The following CXCL13 variants were observed in gnomAD, a reference collection of about 807,000 sequenced individuals.
The protein encoded by CXCL13 is C-X-C motif chemokine 13.
Under a neutral mutation model 12.2 loss-of-function variants are expected in CXCL13, and 7 were observed. The ratio of observed to expected loss-of-function variants is 0.57; its 90% confidence interval spans 0.33 to 1.07. The LOEUF is 1.07. Among genes scored for constraint, CXCL13 ranks in the 50% least tolerant of loss-of-function variants. The pLI is 0.04. For missense variants in CXCL13, 113 were observed against 127.4 expected (o/e 0.89, Z 0.55); for synonymous variants, 47 against 42.4 (o/e 1.11, Z -0.42).
rs1023573830 is a variant in CXCL13, at chr4:77,554,636, C to T, written c.-43+42848C>T. On this transcript the variant is annotated intron_variant, in intron 1 of 4. Coordinates refer to the CXCL13 transcript ENST00000286758. Reference sequence around the variant, plus strand: ...ATTTCTAGGATGCTCCATGGAACAACAATAACATATACATTATTTTCAGAT... The same window carrying T: ...ATTTCTAGGATGCTCCATGGAACAATAATAACATATACATTATTTTCAGAT... Among the ~76,000 whole-genome samples the T allele has an allele frequency of 4.6e-5, 7 of 152,048 alleles. No individual in the cohort carries two copies. The East Asian group carries it at 5.8e-4, about 13-fold the overall frequency.
rs143029011 is a variant in CXCL13, at chr4:77,569,681, G to A, written c.-42-36143G>A. 1.3e-3 allele frequency among the ~76,000 whole-genome samples: 199 copies of A among 152,286 alleles called. 4 individuals carry two copies. In the East Asian group the frequency reaches 0.026, roughly 20 times the overall value. Reference sequence around the variant, plus strand: ...CTCACGGATAGGAAGAATCAATATCGTTAAAATGGTCATACTGCCCAAAGC... The same window carrying A: ...CTCACGGATAGGAAGAATCAATATCATTAAAATGGTCATACTGCCCAAAGC... On this transcript the variant is annotated intron_variant, in intron 1 of 4. Coordinates refer to the CXCL13 transcript ENST00000286758.
upstream of CXCL13, among the ~76,000 whole-genome samples, chr4:77,603,813 G>A (rs982532448): frequency 6.6e-6 from 1 of 152,154 alleles, no homozygotes; most frequent in Non-Finnish European, 1.5e-5. Flanking sequence ...AGACAGGCAG[G>A]CTATTTATTG....
At chr4:77,607,960 A>C in intron 2 of CXCL13, 125 bp downstream of exon 2, 2 of 976,592 alleles carry the variant, frequency 2.0e-6, no homozygotes, top group Non-Finnish European at 3.0e-6. Flanking sequence ...AAAAATTCTC[A>C]AACTAATAAT....
Position 77,567,601 on chromosome 4 carries a change from A to G in CXCL13, c.-42-38223A>G, listed in dbSNP as rs180688180. Reference sequence around the variant, plus strand: ...ACAGGTCAGAAAGAACCCTCTGATAAAACAAGATGCAGTAAAAAAAGCTGG... The same window carrying G: ...ACAGGTCAGAAAGAACCCTCTGATAGAACAAGATGCAGTAAAAAAAGCTGG... On this transcript the variant is annotated intron_variant, in intron 1 of 4. Coordinates refer to the CXCL13 transcript ENST00000286758. Among the ~76,000 whole-genome samples, 408 of 152,290 alleles carry G rather than the reference A, an allele frequency of 2.7e-3. 3 individuals are homozygous for G. The highest frequency in any genetic ancestry group is 8.4e-3 in the African/African-American group (351 of 41,576).
rs377515121 is a variant in CXCL13 at position 77,545,354 on chromosome 4, T to C, written c.-43+33566T>C. Reference sequence around the variant, plus strand: ...ACCTTGGACAGTATGGCCATTTTCATGATATTGATTCTTCCTACCCATGAG... The same window carrying C: ...ACCTTGGACAGTATGGCCATTTTCACGATATTGATTCTTCCTACCCATGAG... On this transcript the variant is annotated intron_variant, in intron 1 of 4. Coordinates refer to the CXCL13 transcript ENST00000286758. Among the ~76,000 whole-genome samples the C allele has an allele frequency of 1.8e-4, 27 of 152,272 alleles. No homozygotes were observed. In the East Asian group the frequency reaches 5.0e-3, roughly 28 times the overall value.
Position 77,611,206 on chromosome 4 carries a change from T to A in CXCL13, c.*167T>A. On this transcript the variant is annotated 3_prime_UTR_variant, in exon 4 of 4. Transcript: ENST00000682537. ...GAAGCTGATGGGGCAAACTCAAGCT[T>A]CTTCACTCACAGCACCCTATATACA... 1 of 597,646 alleles carries A rather than the reference T, an allele frequency of 1.7e-6. No homozygotes were observed. The highest frequency in any genetic ancestry group is 2.4e-5 in the South Asian group (1 of 41,400). The allele number at this position is 597,646 out of a possible 1,614,324, so 37.0% of individuals were successfully genotyped here. A position where few individuals can be genotyped will look rare whatever the true frequency, so the allele number is the denominator to read the frequency against.
At chr4:77,537,604 T>C (rs1725090555) in intron 1 of CXCL13, among the ~76,000 whole-genome samples, 1 of 152,202 alleles carries the variant, frequency 6.6e-6, no homozygotes, top group Non-Finnish European at 1.5e-5. Context: ...TCCAAGTATT[T>C]AGCTAAGTTC....
rs554256395 is a variant in CXCL13 at position 77,562,015 on chromosome 4, A to G, written c.-42-43809A>G. ...CAGTGAGGAGCTTAGCACCTGGGCC[A>G]GCAGCTGCGGAGGGTGCGCCGGGTC... On this transcript the variant is annotated intron_variant, in intron 1 of 4. Transcript: ENST00000286758. 8.5e-5 allele frequency among the ~76,000 whole-genome samples: 13 copies of G among 152,236 alleles called. No homozygotes were observed. The South Asian group carries it at 2.1e-3, about 24-fold the overall frequency.
chr4:77,553,802 C>T (rs1354483783), intron 1 of CXCL13, among the ~76,000 whole-genome samples: 1 of 152,020 alleles, frequency 6.6e-6, no homozygotes, highest in Non-Finnish European at 1.5e-5. Context: ...TCTAATCCAC[C>T]ATCTTGGAAA....
intron 1 of CXCL13, among the ~76,000 whole-genome samples, chr4:77,536,495 G>A (rs913266859): frequency 2.6e-5 from 4 of 152,272 alleles, no homozygotes; most frequent in Non-Finnish European, 2.9e-5. Context: ...ATAAATTTGG[G>A]TAGCTCCCTT....
At chr4:77,528,901 A>T (rs1724837441) in intron 1 of CXCL13, among the ~76,000 whole-genome samples, 1 of 152,144 alleles carries the variant, frequency 6.6e-6, no homozygotes, top group Non-Finnish European at 1.5e-5. Context: ...CTAGGGTTTA[A>T]ATGGTTTCAG....
At position 77,571,949 on chromosome 4, in the gene CXCL13, C is replaced by G. The variant is rs369490586; in HGVS notation, c.-42-33875C>G. Among the ~76,000 whole-genome samples, 192 of 151,920 alleles carry G rather than the reference C, an allele frequency of 1.3e-3. 6 individuals carry two copies. The highest frequency in any genetic ancestry group is 4.5e-3 in the African/African-American group (186 of 41,214). On this transcript the variant is annotated intron_variant, in intron 1 of 4. Coordinates refer to the CXCL13 transcript ENST00000286758. Reference sequence around the variant, plus strand: ...ATGTGCTGCCTTAAGAGCTGTAACACTCACTGCGAAGGTCTGCAGCTTCAC... The same window carrying G: ...ATGTGCTGCCTTAAGAGCTGTAACAGTCACTGCGAAGGTCTGCAGCTTCAC...
chr4:77,554,659 G>T (rs1177544087), intron 1 of CXCL13, among the ~76,000 whole-genome samples: 1 of 152,070 alleles, frequency 6.6e-6, no homozygotes, highest in Non-Finnish European at 1.5e-5. Context: ...ATTATTTTCA[G>T]ATGCACATGG....
At chr4:77,549,381 G>A (rs1490617214) in intron 1 of CXCL13, among the ~76,000 whole-genome samples, 2 of 152,188 alleles carry the variant, frequency 1.3e-5, no homozygotes, top group Non-Finnish European at 2.9e-5. Flanking sequence ...TCCATTGCTG[G>A]CAAAGAGCTG....
At chr4:77,608,672 C>T (rs1204808200) in intron 2 of CXCL13, among the ~76,000 whole-genome samples, 1 of 152,130 alleles carries the variant, frequency 6.6e-6, no homozygotes, top group Non-Finnish European at 1.5e-5. Context: ...GTGCTTGGGG[C>T]CTTGGACCAG....
intron 1 of CXCL13, among the ~76,000 whole-genome samples, chr4:77,546,688 C>A (rs1030042373): frequency 6.6e-6 from 1 of 152,056 alleles, no homozygotes; most frequent in Non-Finnish European, 1.5e-5. Flanking sequence ...TTCAAAAAAC[C>A]AGCTCCTGGA....
chr4:77,526,805 C>A (rs1012684528), intron 1 of CXCL13, among the ~76,000 whole-genome samples: 4 of 152,098 alleles, frequency 2.6e-5, no homozygotes, highest in African/African-American at 9.7e-5. Context: ...GGCCAGGGAG[C>A]CTTTCGTGAA....
intron 1 of CXCL13, among the ~76,000 whole-genome samples, chr4:77,528,097 A>G (rs2110083121): frequency 6.6e-6 from 1 of 152,306 alleles, no homozygotes; most frequent in Non-Finnish European, 1.5e-5. Context: ...TGTCCCTATA[A>G]AGAACATGAA....
intron 2 of CXCL13, 116 bp from the exon 3 acceptor site, chr4:77,610,498 C>A: frequency 1.2e-6 from 1 of 804,618 alleles, no homozygotes; most frequent in Non-Finnish European, 2.0e-6. Context: ...AACTGCCCAG[C>A]TCCAATTTCA....
Sources: allele counts gnomAD v4.1 joint callset (sites outside exome capture counted in the v4.1 genomes callset), GRCh38; gene constraint gnomAD v4.1.1; transcripts MANE v1.5; gene names NCBI Gene and HGNC (gene_info 2026-07-23, HGNC 2026-07-21).